ARHGAP31: variants seen among roughly 807,000 people sequenced by gnomAD.
The protein encoded by ARHGAP31 is rho GTPase-activating protein 31.
In ARHGAP31, 34 loss-of-function variants were observed where a neutral mutation model predicts 113.9. The observed-to-expected ratio is 0.30, with a 90% confidence interval of 0.23 to 0.40. ARHGAP31 has a LOEUF of 0.40. Among genes scored for constraint, ARHGAP31 ranks in the 10% least tolerant of loss-of-function variants. The pLI, the probability that ARHGAP31 is intolerant of heterozygous loss-of-function variation, is 1.00. For missense variants in ARHGAP31, 1,548 were observed against 1,767.1 expected, an observed-to-expected ratio of 0.88 and a Z score of 2.22; for synonymous variants, 650 against 684.8, an observed-to-expected ratio of 0.95 and a Z score of 0.79.
At chr3:119,325,325 A>G (rs974942272) in intron 1 of ARHGAP31, among the ~76,000 whole-genome samples, 5 of 152,230 alleles carry the variant, frequency 3.3e-5, no homozygotes, top group Admixed American at 1.3e-4. Flanking sequence ...TGTCATGCAC[A>G]TTAATATTTT....
intron 1 of ARHGAP31, among the ~76,000 whole-genome samples, chr3:119,332,290 C>G (rs2079897913): frequency 6.6e-6 from 1 of 151,874 alleles, no homozygotes; most frequent in Non-Finnish European, 1.5e-5. Context: ...ACCTCTGTCT[C>G]CCAGGTTCAA....
At chr3:119,328,130 A>G (rs1019351687) in intron 1 of ARHGAP31, among the ~76,000 whole-genome samples, 1 of 152,246 alleles carries the variant, frequency 6.6e-6, no homozygotes, top group Non-Finnish European at 1.5e-5. Flanking sequence ...AAAACCTCAT[A>G]AAGCTACCAA....
rs775200001 is a variant in ARHGAP31, at chr3:119,414,320, C to G, written c.2391C>G (p.Val797=). 1 of 1,614,072 alleles carries G rather than the reference C, an allele frequency of 6.2e-7. No homozygotes were observed. The highest frequency in any genetic ancestry group is 1.3e-5 in the African/African-American group (1 of 74,934). ...PPTPLEESTP[V]LLSKGGPERE... ...CTCCTCTGGAGGAGTCAACTCCAGTCCTGCTTTCAAAGGGCGGCCCGGAAA... is the reference window on the plus strand; with the variant it reads ...CTCCTCTGGAGGAGTCAACTCCAGTGCTGCTTTCAAAGGGCGGCCCGGAAA... The change falls in exon 12 of 12, where the codon GTC becomes GTG. Residue 797 remains valine (V), a synonymous_variant. Transcript: ENST00000264245.
chr3:119,322,769 T>TGGGCCTGCTCCTCCTCCCGCTCC (rs1412463983), intron 1 of ARHGAP31: 2 of 153,418 alleles, frequency 1.3e-5, no homozygotes, highest in Non-Finnish European at 2.9e-5. Context: ...CCGGCCGCTC[T>TGGGCCTGCTCCTCCTCCCGCTCC]GGGCCTGCTC....
chr3:119,348,824 A>G (rs988389383), intron 1 of ARHGAP31, among the ~76,000 whole-genome samples: 6 of 152,172 alleles, frequency 3.9e-5, no homozygotes, highest in Non-Finnish European at 5.9e-5. Flanking sequence ...TGCAGAACCC[A>G]CAAATATGGG....
rs546732462 is a variant in ARHGAP31, at chr3:119,306,272, GGGCCGGGTGTGGTGGCTCA to G, written c.100+11273_100+11291del. On this transcript the variant is annotated intron_variant, in intron 1 of 11. Coordinates refer to ENST00000264245, the MANE Select transcript of ARHGAP31 (RefSeq NM_020754.4). Reference sequence around the variant, plus strand: ...GACATCTAGTAAAAGTTTTCAAATGGGGCCGGGTGTGGTGGCTCAGGCCTGTAATCATAGCACTTTGGGA... The same window carrying G: ...GACATCTAGTAAAAGTTTTCAAATGGGGCCTGTAATCATAGCACTTTGGGA... 1.1e-4 allele frequency among the ~76,000 whole-genome samples: 16 copies of G among 152,140 alleles called. No individual in the cohort carries two copies. The South Asian group carries it at 3.3e-3, about 32-fold the overall frequency.
Position 119,414,542 on chromosome 3 carries a change from CTCACAAGAAGAGGAGGA to C in ARHGAP31, c.2615_2631del (p.Ser872CysfsTer12). 1 of 1,614,230 alleles carries C rather than the reference CTCACAAGAAGAGGAGGA, an allele frequency of 6.2e-7. No individual in the cohort carries two copies. Among genetic ancestry groups the C allele is most frequent in the Non-Finnish European group, 8.5e-7 (1 of 1,180,032 alleles). On this transcript the variant is annotated frameshift_variant, in exon 12 of 12. Coordinates refer to ENST00000264245, the MANE Select transcript of ARHGAP31 (RefSeq NM_020754.4). LOFTEE classifies it high-confidence loss of function. ...GCCCAACCAGGGAGGTTGAGATCGT[CTCACAAGAAGAGGAGGA>C]TGTAACCCATTCAGTACAGGAGCCT...
At chr3:119,320,788 T>C (rs1449685517) in intron 1 of ARHGAP31, among the ~76,000 whole-genome samples, 2 of 152,178 alleles carry the variant, frequency 1.3e-5, no homozygotes, top group African/African-American at 4.8e-5. Flanking sequence ...ATCTTGGACA[T>C]TGATATGGTT....
In ARHGAP31 at chr3:119,321,672, G is replaced by A. The variant is rs548158174; in HGVS notation, c.100+26668G>A. ...CGTAGGTTTTGTTTTGTTTTGAGAC[G>A]GAGACTCGCTCTGTTGCCCAGGCCA... On this transcript the variant is annotated intron_variant, in intron 1 of 11. Transcript: ENST00000264245. Among the ~76,000 whole-genome samples the A allele has an allele frequency of 2.4e-4, 36 of 151,940 alleles. No individual in the cohort carries two copies. The South Asian group carries it at 7.5e-3, about 32-fold the overall frequency.
At chr3:119,295,089 G>A in intron 1 of ARHGAP31, 85 bp downstream of exon 1, 3 of 1,278,162 alleles carry the variant, frequency 2.3e-6, no homozygotes, top group Non-Finnish European at 3.4e-6. Context: ...TGATAGAGTC[G>A]GTTCACAAGT....
At chr3:119,313,712 T>C (rs2079704423) in intron 1 of ARHGAP31, among the ~76,000 whole-genome samples, 1 of 152,206 alleles carries the variant, frequency 6.6e-6, no homozygotes, top group African/African-American at 2.4e-5. Context: ...TATCCATGCA[T>C]CTTGGTCACA....
chr3:119,342,094 G>T (rs1234558654), intron 1 of ARHGAP31, among the ~76,000 whole-genome samples: 7 of 152,052 alleles, frequency 4.6e-5, no homozygotes, highest in African/African-American at 1.7e-4. Flanking sequence ...CATATTCATG[G>T]CCATATTCCT....
chr3:119,348,844 G>A (rs1218007957), intron 1 of ARHGAP31, among the ~76,000 whole-genome samples: 2 of 152,160 alleles, frequency 1.3e-5, no homozygotes, highest in Admixed American at 6.5e-5. Context: ...GTGTCTGACT[G>A]TATATCTGGT....
chr3:119,405,878 C>A (rs2080656706), intron 10 of ARHGAP31, among the ~76,000 whole-genome samples: 1 of 152,200 alleles, frequency 6.6e-6, no homozygotes, highest in African/African-American at 2.4e-5. Flanking sequence ...TGCCTCTGTT[C>A]TGAGGAACTT....
intron 1 of ARHGAP31, among the ~76,000 whole-genome samples, chr3:119,352,118 A>T (rs2080115456): frequency 6.6e-6 from 1 of 152,234 alleles, no homozygotes; most frequent in South Asian, 2.1e-4. Flanking sequence ...AATTACACAA[A>T]GCACAGCAGC....
chr3:119,391,051 AC>A (rs2080499811), intron 7 of ARHGAP31, 68 bp downstream of exon 7: 1 of 1,553,926 alleles, frequency 6.4e-7, no homozygotes, highest in Non-Finnish European at 8.9e-7. Flanking sequence ...GGAGAGGTAT[AC>A]AGTCTCAGGA....
At chr3:119,311,176 C>G (rs1399419618) in intron 1 of ARHGAP31, among the ~76,000 whole-genome samples, 2 of 152,204 alleles carry the variant, frequency 1.3e-5, no homozygotes, top group African/African-American at 4.8e-5. Flanking sequence ...CACTTCCAAC[C>G]GCTGTCATAA....
Position 119,402,135 on chromosome 3 carries a change from T to A in ARHGAP31, c.1383T>A (p.Pro461=), listed in dbSNP as rs1577030700. ...TGTTCTACACTTCGAACGACAGCCC[T>A]AGCAAATCCGTCTTCACCAGCAGCC... ...LGMFYTSNDS[P]SKSVFTSSLF... Residue 461 remains proline (P), a synonymous_variant, in exon 10 of 12, where the codon CCT becomes CCA. Coordinates refer to ENST00000264245, the MANE Select transcript of ARHGAP31 (RefSeq NM_020754.4). The A allele has an allele frequency of 6.2e-7, 1 of 1,614,228 alleles. No individual in the cohort carries two copies. The highest frequency in any genetic ancestry group is 8.5e-7 in the Non-Finnish European group (1 of 1,180,040).
intron 8 of ARHGAP31, among the ~76,000 whole-genome samples, 176 bp downstream of exon 8, chr3:119,393,767 A>C (rs1009574544): frequency 4.6e-5 from 7 of 152,234 alleles, no homozygotes; most frequent in Admixed American, 1.3e-4. Flanking sequence ...AAATTGCAAA[A>C]ATAGTACACA....
Sources: allele counts gnomAD v4.1 joint callset (sites outside exome capture counted in the v4.1 genomes callset), GRCh38; gene constraint gnomAD v4.1.1; transcripts MANE v1.5; gene names NCBI Gene and HGNC (gene_info 2026-07-23, HGNC 2026-07-21).